Variants in RALYL observed in about 807,000 individuals in gnomAD.
RALYL encodes the protein RALY RNA binding protein like.
Under a neutral mutation model 35.1 loss-of-function variants are expected in RALYL, and 29 were observed. The ratio of observed to expected loss-of-function variants is 0.83; its 90% CI spans 0.61 to 1.13. The LOEUF is 1.13. RALYL is among the 50% of genes most tolerant of loss of function. The probability of loss-of-function intolerance (pLI) is 0.00; values close to 1 mark genes in which losing one functional copy is unlikely to be tolerated. For synonymous variants in RALYL, 120 were observed against 127.6 expected (o/e 0.94, Z 0.40); for missense variants, 359 against 360.4 (o/e 1.00, Z 0.03).
intron 6 of RALYL, 32 bp from the exon 7 acceptor site, chr8:84,873,252 C>G: frequency 8.0e-7 from 1 of 1,249,674 alleles, no homozygotes; most frequent in Non-Finnish European, 1.1e-6. Context: ...ATTTGATGCT[C>G]TGTTGTTTTC....
At chr8:84,606,048 A>G (rs1052799718) in intron 2 of RALYL, among the ~76,000 whole-genome samples, 2 of 152,076 alleles carry the variant, frequency 1.3e-5, no homozygotes, top group African/African-American at 4.8e-5. Flanking sequence ...TCCTCAGTGC[A>G]TGTTATTAAG....
chr8:84,834,559 C>T (rs1831564076), intron 4 of RALYL, among the ~76,000 whole-genome samples: 1 of 152,182 alleles, frequency 6.6e-6, no homozygotes, highest in Non-Finnish European at 1.5e-5. Context: ...GCTCCTTCTT[C>T]TTCTATGCCT....
At chr8:84,223,509 G>A (rs1586316520) in intron 1 of RALYL, among the ~76,000 whole-genome samples, 2 of 152,268 alleles carry the variant, frequency 1.3e-5, no homozygotes, top group Non-Finnish European at 2.9e-5. Flanking sequence ...ATGGAGGTGA[G>A]CAATGATATG....
At chr8:84,529,663 T>A in intron 2 of RALYL, 86 bp downstream of exon 2, 3 of 1,172,146 alleles carry the variant, frequency 2.6e-6, no homozygotes, top group Non-Finnish European at 2.4e-6. Flanking sequence ...ACCACTGTTG[T>A]TTCTACCTCT....
chr8:84,583,699 C>A (rs990345656), intron 2 of RALYL, among the ~76,000 whole-genome samples: 1 of 152,020 alleles, frequency 6.6e-6, no homozygotes, highest in South Asian at 2.1e-4. Flanking sequence ...AGGAGACATC[C>A]CTGCACAATT....
chr8:84,407,150 A>T (rs1232913168), intron 1 of RALYL, among the ~76,000 whole-genome samples: 1 of 151,820 alleles, frequency 6.6e-6, no homozygotes, highest in Non-Finnish European at 1.5e-5. Context: ...TTCCATATCT[A>T]TGGAATGGAA....
intron 1 of RALYL, among the ~76,000 whole-genome samples, chr8:84,423,080 C>T (rs1401217501): frequency 6.7e-6 from 1 of 150,224 alleles, no homozygotes; most frequent in Non-Finnish European, 1.5e-5. Context: ...TGGTGCAGAG[C>T]TGAGTTCAAT....
intron 1 of RALYL, among the ~76,000 whole-genome samples, chr8:84,330,402 A>G (rs1181499361): frequency 6.6e-6 from 1 of 152,018 alleles, no homozygotes; most frequent in African/African-American, 2.4e-5. Flanking sequence ...GAAATGGTAG[A>G]TCAAGGGCAT....
At chr8:84,733,571 T>C (rs1169759573) in intron 2 of RALYL, among the ~76,000 whole-genome samples, 1 of 152,178 alleles carries the variant, frequency 6.6e-6, no homozygotes, top group Non-Finnish European at 1.5e-5. Flanking sequence ...AATAATAACA[T>C]GTCATTTATA....
At chr8:84,730,157 C>T (rs1428889715) in intron 2 of RALYL, among the ~76,000 whole-genome samples, 1 of 152,078 alleles carries the variant, frequency 6.6e-6, no homozygotes, top group Admixed American at 6.6e-5. Flanking sequence ...CAAACCAAAT[C>T]CAGCAGCACA....
chr8:84,864,866 G>A, intron 6 of RALYL: 7 of 497,470 alleles, frequency 1.4e-5, no homozygotes, highest in East Asian at 4.5e-5. Context: ...GAAACAAGGG[G>A]CAGCCAGCCA....
intron 3 of RALYL, among the ~76,000 whole-genome samples, chr8:84,798,996 C>A (rs940837229): frequency 6.6e-6 from 1 of 152,000 alleles, no homozygotes; most frequent in Non-Finnish European, 1.5e-5. Flanking sequence ...TGTGAATGAA[C>A]TTTTAGTTAT....
Position 84,514,452 on chromosome 8 carries a change from T to C in RALYL, c.-23-14847T>C, listed in dbSNP as rs567872789. Among the ~76,000 whole-genome samples the C allele has an allele frequency of 1.5e-3, 227 of 152,292 alleles. 1 individual carries two copies. The highest frequency in any genetic ancestry group is 3.4e-3 in the Middle Eastern group (1 of 294). On this transcript the variant is annotated intron_variant, in intron 1 of 8. Transcript: ENST00000521268. ...ACAGTTTTAGAGTCTGGAAAGTCCA[T>C]GATTAGGGAACCAGCAAGTTCTGTG...
chr8:84,393,148 G>T (rs1161364767), intron 1 of RALYL, among the ~76,000 whole-genome samples: 1 of 152,038 alleles, frequency 6.6e-6, no homozygotes, highest in African/African-American at 2.4e-5. Flanking sequence ...TTGCTTAGTT[G>T]GTATCTCTGT....
chr8:84,710,335 G>C (rs575521971), intron 2 of RALYL, among the ~76,000 whole-genome samples: 1 of 152,102 alleles, frequency 6.6e-6, no homozygotes, highest in African/African-American at 2.4e-5. Flanking sequence ...GCCTCACTCT[G>C]TCACCAAGCT....
chr8:84,817,083 C>A (rs1827491666), intron 4 of RALYL, among the ~76,000 whole-genome samples: 1 of 152,142 alleles, frequency 6.6e-6, no homozygotes, highest in Admixed American at 6.6e-5. Context: ...GGGATCTATT[C>A]TACTAAATCC....
intron 1 of RALYL, among the ~76,000 whole-genome samples, chr8:84,246,456 T>G (rs563469499): frequency 6.6e-6 from 1 of 152,150 alleles, no homozygotes; most frequent in Non-Finnish European, 1.5e-5. Flanking sequence ...ATTGAAAGAC[T>G]AGAAAAGCTT....
intron 3 of RALYL, among the ~76,000 whole-genome samples, chr8:84,792,303 G>A (rs1327707284): frequency 6.6e-6 from 1 of 152,178 alleles, no homozygotes; most frequent in Non-Finnish European, 1.5e-5. Context: ...GGGGGATGGA[G>A]TGGGAAGATG....
intron 1 of RALYL, among the ~76,000 whole-genome samples, chr8:84,500,794 C>A (rs1170017128): frequency 6.6e-6 from 1 of 152,040 alleles, no homozygotes; most frequent in African/African-American, 2.4e-5. Context: ...GGCCTGGGAG[C>A]TAGGTTTGCA....
Sources: gnomAD v4.1 joint callset for allele counts (sites outside exome capture counted in the v4.1 genomes callset) on GRCh38, gnomAD v4.1.1 for gene constraint, MANE v1.5 for transcripts, NCBI Gene and HGNC (gene_info 2026-07-23, HGNC 2026-07-21) for gene names.